Variants in ZNF385D observed in about 807,000 individuals in gnomAD.
ZNF385D encodes the protein zinc finger protein 659.
In ZNF385D, 15 loss-of-function variants were observed where a neutral mutation model predicts 35.8. The ratio of observed to expected loss-of-function variants is 0.42; its 90% CI spans 0.28 to 0.64. The LOEUF (loss-of-function observed/expected upper bound fraction) is 0.64, where lower values mean the gene tolerates loss of function less well. Among genes scored for constraint, ZNF385D ranks in the 30% least tolerant of loss-of-function variants. ZNF385D has a pLI of 0.23. For synonymous variants in ZNF385D, 212 were observed against 186.8 expected (o/e 1.13, Z -1.10); for missense variants, 474 against 494.6 (o/e 0.96, Z 0.39).
intron 2 of ZNF385D, among the ~76,000 whole-genome samples, chr3:22,243,268 A>G (rs1216356901): frequency 6.6e-6 from 1 of 151,120 alleles, no homozygotes; most frequent in Non-Finnish European, 1.5e-5. Context: ...AAGCACATGA[A>G]AAGATGTTCA....
intron 2 of ZNF385D, among the ~76,000 whole-genome samples, chr3:21,613,000 T>C (rs555005326): frequency 1.3e-5 from 2 of 148,658 alleles, no homozygotes; most frequent in African/African-American, 2.6e-5. Flanking sequence ...TTTCTTTTTT[T>C]TTTTTTTTCA....
intron 2 of ZNF385D, among the ~76,000 whole-genome samples, chr3:21,566,038 A>G (rs2063134025): frequency 6.6e-6 from 1 of 152,212 alleles, no homozygotes; most frequent in Admixed American, 6.5e-5. Flanking sequence ...ACTTCTTTGT[A>G]TTCACAACTC....
intron 1 of ZNF385D, among the ~76,000 whole-genome samples, chr3:21,696,696 A>G (rs1051626843): frequency 6.6e-6 from 1 of 152,236 alleles, no homozygotes; most frequent in Non-Finnish European, 1.5e-5. Context: ...AGCTTCTACA[A>G]TGCATTTAGA....
intron 3 of ZNF385D, among the ~76,000 whole-genome samples, chr3:21,999,782 A>AAT (rs61707955): frequency 0.34 from 50,829 of 149,150 alleles, 9,333 homozygotes; most frequent in South Asian, 0.43. Flanking sequence ...AAAAAAAAAA[A>AAT]AATAATAATA....
intron 3 of ZNF385D, among the ~76,000 whole-genome samples, chr3:22,153,114 T>C (rs546258300): frequency 7.9e-5 from 12 of 152,306 alleles, no homozygotes; most frequent in Admixed American, 1.3e-4. Context: ...TACATGGTTA[T>C]TGGGCTCCCT....
chr3:22,185,530 C>T (rs565034597), intron 2 of ZNF385D, among the ~76,000 whole-genome samples: 13 of 152,190 alleles, frequency 8.5e-5, no homozygotes, highest in South Asian at 6.2e-4. Flanking sequence ...GAGTGCAGTG[C>T]GATCTTGGCT....
intron 3 of ZNF385D, among the ~76,000 whole-genome samples, chr3:21,961,214 TAAAAG>T (rs1041088726): frequency 6.6e-6 from 1 of 151,958 alleles, no homozygotes; most frequent in Non-Finnish European, 1.5e-5. Context: ...ACTAAAAAAA[TAAAAG>T]AAAATAATTT....
chr3:21,694,314 C>A (rs2067395459), intron 1 of ZNF385D, among the ~76,000 whole-genome samples: 1 of 151,932 alleles, frequency 6.6e-6, no homozygotes, highest in Admixed American at 6.6e-5. Flanking sequence ...GGATTACAGG[C>A]GTGAGCCACC....
chr3:21,554,743 A>G (rs990281753), intron 3 of ZNF385D, among the ~76,000 whole-genome samples: 2 of 152,158 alleles, frequency 1.3e-5, no homozygotes, highest in African/African-American at 4.8e-5. Context: ...TGCAGCTCCT[A>G]CATCAGCACT....
intron 3 of ZNF385D, among the ~76,000 whole-genome samples, chr3:22,023,253 G>C (rs1447282738): frequency 6.6e-6 from 1 of 152,148 alleles, no homozygotes; most frequent in African/African-American, 2.4e-5. Flanking sequence ...AGTGGCAACT[G>C]AGTCTGGGCA....
intron 3 of ZNF385D, among the ~76,000 whole-genome samples, chr3:22,164,169 T>C (rs1706153570): frequency 6.6e-6 from 1 of 150,816 alleles, no homozygotes; most frequent in Non-Finnish European, 1.5e-5. Context: ...CCTATAGTTA[T>C]AAGTGAGCAC....
intron 3 of ZNF385D, among the ~76,000 whole-genome samples, chr3:22,153,080 G>A (rs531012582): frequency 1.3e-5 from 2 of 152,126 alleles, no homozygotes; most frequent in African/African-American, 4.8e-5. Context: ...ACTGACCAAT[G>A]TACTACTGCA....
chr3:22,340,977 G>A (rs909242062), intron 2 of ZNF385D, among the ~76,000 whole-genome samples: 3 of 152,146 alleles, frequency 2.0e-5, no homozygotes, highest in Admixed American at 2.0e-4. Context: ...CCAGGTCATG[G>A]TCTACTTACC....
intron 3 of ZNF385D, among the ~76,000 whole-genome samples, chr3:21,978,759 C>T (rs930098756): frequency 6.6e-6 from 1 of 152,018 alleles, no homozygotes; most frequent in Non-Finnish European, 1.5e-5. Context: ...CTTGAAAAGT[C>T]TTCTCGGGGA....
intron 3 of ZNF385D, among the ~76,000 whole-genome samples, chr3:21,940,801 T>C (rs1408831650): frequency 6.6e-6 from 1 of 152,174 alleles, no homozygotes; most frequent in Non-Finnish European, 1.5e-5. Flanking sequence ...GAAGAAAATA[T>C]ATGTAAAAAT....
chr3:22,183,678 A>G (rs1014497273), intron 2 of ZNF385D, among the ~76,000 whole-genome samples: 7 of 152,208 alleles, frequency 4.6e-5, no homozygotes, highest in African/African-American at 1.2e-4. Context: ...GTATATTTCT[A>G]TTGTATCATT....
chr3:22,236,590 A>G (rs1699197148), intron 2 of ZNF385D, among the ~76,000 whole-genome samples: 1 of 152,156 alleles, frequency 6.6e-6, no homozygotes, highest in Non-Finnish European at 1.5e-5. Flanking sequence ...TCACCCTTTT[A>G]AAGTGCCCAA....
intron 2 of ZNF385D, among the ~76,000 whole-genome samples, chr3:22,287,723 T>C (rs1372985248): frequency 6.6e-6 from 1 of 152,060 alleles, no homozygotes; most frequent in Non-Finnish European, 1.5e-5. Context: ...CAAGATATTA[T>C]AGCTATAATT....
chr3:21,539,592 A>G lies in ZNF385D; in HGVS notation c.276+24982T>C, dbSNP rs1169614613. The stretch of plus-strand genomic sequence containing the variant: ...AAATGTTAAAATGATTCTCTAAATT[A>G]TTGTTTCAGATTTTATAAAGTGATA... On this transcript the variant is annotated intron_variant, in intron 3 of 7. Transcript: ENST00000281523. This position sits in a 1 kb window ranked among gnomAD's most constrained non-coding sequence, Gnocchi z 4.0. Among the ~76,000 whole-genome samples the G allele has an allele frequency of 6.6e-6, 1 of 152,134 alleles. No individual in the cohort carries two copies. The highest frequency in any genetic ancestry group is 2.4e-5 in the African/African-American group (1 of 41,462).
Sources: allele counts gnomAD v4.1 joint callset (sites outside exome capture counted in the v4.1 genomes callset), GRCh38; gene constraint gnomAD v4.1.1; non-coding constraint Gnocchi (gnomAD v3.1); transcripts MANE v1.5; gene names NCBI Gene and HGNC (gene_info 2026-07-23, HGNC 2026-07-21).